GABRG3: variants seen among roughly 807,000 people sequenced by gnomAD.
GABRG3 encodes the protein gamma-aminobutyric acid receptor subunit gamma-3.
A neutral mutation model predicts 48.8 loss-of-function variants in GABRG3; 25 were observed. The observed-to-expected ratio is 0.51, with a 90% confidence interval of 0.37 to 0.72. The LOEUF (loss-of-function observed/expected upper bound fraction) is 0.72. GABRG3 is among the 30% of genes least tolerant of loss of function. The pLI is 0.00. For missense variants in GABRG3, 394 were observed against 577.9 expected (o/e 0.68, Z 3.26); for synonymous variants, 227 against 217.6 (o/e 1.04, Z -0.38).
At chr15:27,395,148 T>A (rs1171458909) in intron 5 of GABRG3, among the ~76,000 whole-genome samples, 1 of 152,206 alleles carries the variant, frequency 6.6e-6, no homozygotes, top group South Asian at 2.1e-4. Context: ...ATTTTTCTTA[T>A]TCTTTGTATC....
intron 6 of GABRG3, among the ~76,000 whole-genome samples, chr15:27,497,409 A>G (rs569875442): frequency 1.6e-4 from 24 of 152,292 alleles, no homozygotes; most frequent in African/African-American, 4.6e-4. Flanking sequence ...TTATACCTTG[A>G]CTGAGTCACA....
intron 3 of GABRG3, among the ~76,000 whole-genome samples, chr15:27,054,285 A>G (rs970974910): frequency 3.9e-5 from 6 of 152,000 alleles, no homozygotes; most frequent in African/African-American, 1.2e-4. Flanking sequence ...TGAGGGGGCC[A>G]AGGACTGAAA....
chr15:27,134,180 A>G (rs1378261112), intron 3 of GABRG3, among the ~76,000 whole-genome samples: 3 of 152,182 alleles, frequency 2.0e-5, no homozygotes, highest in East Asian at 3.9e-4. Context: ...AATGTTAGGA[A>G]ATGGCCTTGG....
At chr15:27,194,388 C>T (rs192790070) in intron 3 of GABRG3, among the ~76,000 whole-genome samples, 1 of 152,272 alleles carries the variant, frequency 6.6e-6, no homozygotes, top group East Asian at 1.9e-4. Flanking sequence ...TCCAAACCTT[C>T]CTTTATTGTC....
intron 3 of GABRG3, among the ~76,000 whole-genome samples, chr15:27,044,363 T>A (rs974149393): frequency 6.6e-6 from 1 of 151,808 alleles, no homozygotes; most frequent in Non-Finnish European, 1.5e-5. Flanking sequence ...GGTTTTGATA[T>A]TTTTAGGCAA....
At chr15:27,476,939 C>T (rs188962309) in intron 5 of GABRG3, among the ~76,000 whole-genome samples, 2 of 152,266 alleles carry the variant, frequency 1.3e-5, no homozygotes, top group Admixed American at 1.3e-4. Context: ...TATTTACTTA[C>T]AGGTGAGTCA....
In GABRG3 at chr15:27,274,040, C is replaced by T. The variant is rs182856363; in HGVS notation, c.271-52769C>T. On this transcript the variant is annotated intron_variant, in intron 3 of 9. Transcript: ENST00000615808. ...TTGGTGTGAGACCTCAGCTCCTTAC[C>T]GTGTGGATCCTTCCATAGGCTGCCT... 7.3e-4 allele frequency among the ~76,000 whole-genome samples: 111 copies of T among 152,258 alleles called. 2 individuals carry two copies. The South Asian group carries it at 0.018, about 25-fold the overall frequency.
intron 3 of GABRG3, among the ~76,000 whole-genome samples, chr15:27,286,344 T>C (rs1204473722): frequency 6.6e-6 from 1 of 152,238 alleles, no homozygotes; most frequent in African/African-American, 2.4e-5. Context: ...ATCTGGGCCA[T>C]TTTCTTTTTC....
chr15:27,156,098 G>C (rs903754864), intron 3 of GABRG3, among the ~76,000 whole-genome samples: 1 of 151,940 alleles, frequency 6.6e-6, no homozygotes, highest in Non-Finnish European at 1.5e-5. Context: ...AAGAGATCGA[G>C]ACCATCCTGG....
intron 5 of GABRG3, among the ~76,000 whole-genome samples, chr15:27,386,563 G>T (rs926764014): frequency 6.6e-6 from 1 of 151,790 alleles, no homozygotes; most frequent in African/African-American, 2.4e-5. Context: ...TTTTTTTCAG[G>T]AGAATTTTTC....
chr15:27,098,889 C>T (rs1897310081), intron 3 of GABRG3, among the ~76,000 whole-genome samples: 1 of 151,962 alleles, frequency 6.6e-6, no homozygotes. Flanking sequence ...CCAAAAGTCC[C>T]TGGTCATGAC....
chr15:27,497,237 C>T (rs1890508504), intron 6 of GABRG3, among the ~76,000 whole-genome samples: 1 of 152,178 alleles, frequency 6.6e-6, no homozygotes, highest in South Asian at 2.1e-4. Flanking sequence ...TAAGTGAATT[C>T]AGTGATTACT....
intron 5 of GABRG3, among the ~76,000 whole-genome samples, chr15:27,341,265 T>C (rs1212557094): frequency 6.6e-6 from 1 of 152,192 alleles, no homozygotes; most frequent in Non-Finnish European, 1.5e-5. Flanking sequence ...TTTTTTGCCC[T>C]AGTCAGAGTT....
At chr15:27,357,351 A>G (rs943896913) in intron 5 of GABRG3, among the ~76,000 whole-genome samples, 2 of 152,240 alleles carry the variant, frequency 1.3e-5, no homozygotes, top group Admixed American at 6.5e-5. Context: ...ATGTAAAGCT[A>G]CTGGTCTGTG....
intron 3 of GABRG3, among the ~76,000 whole-genome samples, chr15:27,073,468 G>C (rs1311012235): frequency 6.6e-6 from 1 of 152,250 alleles, no homozygotes; most frequent in African/African-American, 2.4e-5. Flanking sequence ...TCTTCACCTG[G>C]TCATTAATGA....
intron 5 of GABRG3, among the ~76,000 whole-genome samples, chr15:27,461,625 C>T (rs7179690): frequency 0.38 from 58,014 of 151,996 alleles, 14,486 homozygotes; most frequent in African/African-American, 0.7. Context: ...CATATCCTGC[C>T]GGTTGGTCCA....
At chr15:27,480,841 C>T (rs747827094) in intron 6 of GABRG3, 54 bp downstream of exon 6, 6 of 1,594,782 alleles carry the variant, frequency 3.8e-6, no homozygotes, top group Non-Finnish European at 5.1e-6. Flanking sequence ...GGCCTAAGGC[C>T]ATATGTAGTC....
chr15:27,158,941 T>C (rs1898503827), intron 3 of GABRG3, among the ~76,000 whole-genome samples: 1 of 152,148 alleles, frequency 6.6e-6, no homozygotes, highest in Non-Finnish European at 1.5e-5. Flanking sequence ...CCACACACAC[T>C]GCCCACCTGT....
intron 5 of GABRG3, among the ~76,000 whole-genome samples, chr15:27,388,310 G>GAA (rs1896086440): frequency 6.0e-5 from 3 of 49,964 alleles, no homozygotes; most frequent in East Asian, 1.2e-3. Context: ...GAAGGAAAGG[G>GAA]AGGGAGGGAA....
Sources: allele counts gnomAD v4.1 joint callset (sites outside exome capture counted in the v4.1 genomes callset), GRCh38; gene constraint gnomAD v4.1.1; transcripts MANE v1.5; gene names NCBI Gene and HGNC (gene_info 2026-07-23, HGNC 2026-07-21).